The following SPRED3 variants were observed in gnomAD, a reference collection of about 807,000 sequenced individuals.
SPRED3 encodes sprouty-related, EVH1 domain-containing protein 3.
In SPRED3, 23 loss-of-function variants were observed where a neutral mutation model predicts 37.6. The observed-to-expected ratio is 0.61, with a 90% CI of 0.44 to 0.87. The LOEUF is 0.87. Among genes scored for constraint, SPRED3 ranks in the 40% least tolerant of loss-of-function variants. SPRED3 has a pLI of 0.00. For synonymous variants in SPRED3, 302 were observed against 279.6 expected (o/e 1.08, Z -0.80); for missense variants, 584 against 618.6 (o/e 0.94, Z 0.59).
Position 38,390,441 on chromosome 19 carries a change from C to CACT in SPRED3, c.142_144dup (p.Tyr48dup). ...GCCCGAGGGGGGGGCCCGCCAGGGG[C>CACT]ACTACGTCATCCACGGGGAACGCCT... On this transcript the variant is annotated inframe_insertion, in exon 2 of 6. Transcript: ENST00000691638. 2.9e-6 allele frequency: 4 copies of CACT among 1,402,572 alleles called. No homozygotes were observed. The highest frequency in any genetic ancestry group is 3.7e-6 in the Non-Finnish European group (4 of 1,075,826). 86.9% of individuals were successfully genotyped at this position (1,402,572 alleles called of 1,614,324 possible). A position where few individuals can be genotyped will look rare whatever the true frequency, so the allele number is the denominator to read the frequency against.
At position 38,395,742 on chromosome 19, in the gene SPRED3, GC is replaced by G; in HGVS notation, c.833del (p.Pro278ArgfsTer52). The G allele has an allele frequency of 6.8e-7, 1 of 1,461,630 alleles. No homozygotes were observed. The highest frequency in any genetic ancestry group is 9.0e-7 in the Non-Finnish European group (1 of 1,116,772). 90.5% of individuals were successfully genotyped at this position (1,461,630 alleles called of 1,614,324 possible). A position where few individuals can be genotyped will look rare whatever the true frequency, so the allele number is the denominator to read the frequency against. Reference sequence around the variant, plus strand: ...GCGCCCCCCGCTCGCCCACCCCCCGGCCCGGGCCCATCCTCTGCGCCTGCCA... The same window carrying G: ...GCGCCCCCCGCTCGCCCACCCCCCGGCCGGGCCCATCCTCTGCGCCTGCCA... ...PPAPPARPPP[G>X]PGPSSAPAKA... On this transcript the variant is annotated frameshift_variant, in exon 6 of 6. Transcript: ENST00000691638. LOFTEE classifies it high-confidence loss of function. This position sits in a 1 kb window ranked among gnomAD's most constrained non-coding sequence, Gnocchi z 5.2.
At chr19:38,394,920 C>G in intron 5 of SPRED3, 134 bp downstream of exon 5, 1 of 1,273,180 alleles carries the variant, frequency 7.9e-7, no homozygotes, top group South Asian at 1.6e-5. Context: ...CTGGGCCGGA[C>G]TGGGAGAAAG....
intron 4 of SPRED3, 194 bp from the exon 5 acceptor site, chr19:38,394,449 A>T: frequency 6.7e-7 from 1 of 1,496,580 alleles, no homozygotes; most frequent in South Asian, 1.1e-5. Flanking sequence ...TCCCCGTTTT[A>T]CAGAGGAGGA....
chr19:38,396,139 G>A lies in SPRED3; in HGVS notation c.1227G>A (p.Ala409=), dbSNP rs1031634565. ...GCGGGGGTCGCCACGAGGAGGCTGC[G>A]CGGTGAGGACGGCCTGGTGGGTCCC... ...AGCGGRHEEA[A]R Residue 409 remains alanine (A), a synonymous_variant, in exon 6 of 6, where the codon GCG becomes GCA. Transcript: ENST00000691638. 151 of 1,275,382 alleles carry A rather than the reference G, an allele frequency of 1.2e-4. No individual in the cohort carries two copies. Among genetic ancestry groups the A allele is most frequent in the Non-Finnish European group, 1.4e-4 (145 of 1,014,052 alleles). The allele number at this position is 1,275,382 out of a possible 1,614,324, so 79.0% of individuals were successfully genotyped here.
In SPRED3 at chr19:38,393,604, G is replaced by A. The variant is rs7252270; in HGVS notation, c.424-1039G>A. On this transcript the variant is annotated intron_variant, in intron 4 of 5. Coordinates refer to ENST00000691638, the MANE Select transcript of SPRED3 (RefSeq NM_001394336.1). ...GCCCGCTTTGGCCTCCCAAATTGCTGGGATTACAGGTGTATTTCCCGGCCT... is the reference window on the plus strand; with the variant it reads ...GCCCGCTTTGGCCTCCCAAATTGCTAGGATTACAGGTGTATTTCCCGGCCT... Among the ~76,000 whole-genome samples, 1,037 of 152,156 alleles carry A rather than the reference G, an allele frequency of 6.8e-3. 5 individuals carry two copies. The highest frequency in any genetic ancestry group is 0.014 in the Middle Eastern group (4 of 294).
chr19:38,393,141 C>G (rs1178605198), intron 4 of SPRED3, among the ~76,000 whole-genome samples: 1 of 152,156 alleles, frequency 6.6e-6, no homozygotes, highest in East Asian at 1.9e-4. Flanking sequence ...CTGGAACACT[C>G]TTTCCCAGAT....
At position 38,394,421 on chromosome 19, in the gene SPRED3, G is replaced by A. The variant is rs746417727; in HGVS notation, c.424-222G>A. 2.6e-6 allele frequency: 4 copies of A among 1,522,924 alleles called. No individual in the cohort carries two copies. The East Asian group carries it at 9.0e-5, about 34-fold the overall frequency. The allele number at this position is 1,522,924 out of a possible 1,614,324, so 94.3% of individuals were successfully genotyped here. A position where few individuals can be genotyped will look rare whatever the true frequency, so the allele number is the denominator to read the frequency against. On this transcript the variant is annotated intron_variant, in intron 4 of 5. Coordinates refer to ENST00000691638, the MANE Select transcript of SPRED3 (RefSeq NM_001394336.1). ...ACAGTGGCCCTAACCGCATCCTTAT[G>A]AATAGGTACTCTTAGGATCCCCGTT...
rs753775173 is a variant in SPRED3 at position 38,395,836 on chromosome 19, A to G, written c.924A>G (p.Ala308=). ...VHCRALFRRR[A]DGRGGRCAEA... ...GCCGCGCGCTCTTCCGTCGCAGAGC[A>G]GACGGGCGTGGCGGCCGCTGCGCAG... is the stretch of plus-strand genomic sequence containing the variant. Residue 308 remains alanine (A), a synonymous_variant, in exon 6 of 6, where the codon GCA becomes GCG. Coordinates refer to ENST00000691638, the MANE Select transcript of SPRED3 (RefSeq NM_001394336.1). This position sits in a 1 kb window ranked among gnomAD's most constrained non-coding sequence, Gnocchi z 5.2. 1.4e-5 allele frequency: 20 copies of G among 1,473,000 alleles called. No homozygotes were observed. In the African/African-American group the frequency reaches 2.9e-4, roughly 22 times the overall value. 91.2% of individuals were successfully genotyped at this position (1,473,000 alleles called of 1,614,324 possible).
Position 38,395,599 on chromosome 19 carries a change from C to G in SPRED3, c.687C>G (p.Pro229=). ...AGGATTACCGGCGCTCCGGGCCACCCGCGCCCCTCGCCCTGTCCACCTGCG... is the reference window on the plus strand; with the variant it reads ...AGGATTACCGGCGCTCCGGGCCACCGGCGCCCCTCGCCCTGTCCACCTGCG... ...GYEDYRRSGP[P]APLALSTCVV... Residue 229 remains proline (P), a synonymous_variant, in exon 6 of 6, where the codon CCC becomes CCG. Transcript: ENST00000691638. This position sits in a 1 kb window ranked among gnomAD's most constrained non-coding sequence, Gnocchi z 5.2. 3 of 1,549,674 alleles carry G rather than the reference C, an allele frequency of 1.9e-6. No homozygotes were observed. Among genetic ancestry groups the G allele is most frequent in the South Asian group, 2.4e-5 (2 of 83,924 alleles).
chr19:38,389,977 AAGCAGG>A, intron 1 of SPRED3: 1 of 208,166 alleles, frequency 4.8e-6, no homozygotes, highest in Non-Finnish European at 8.9e-6. Context: ...TGATAGGGAT[AAGCAGG>A]AGGGGGAGGG....
intron 4 of SPRED3, among the ~76,000 whole-genome samples, chr19:38,393,682 C>G (rs879848036): frequency 9.9e-5 from 15 of 152,178 alleles, no homozygotes; most frequent in Admixed American, 2.0e-4. Context: ...ATGTCAGCTC[C>G]AGGCCGGCAA....
Position 38,395,965 on chromosome 19 carries a change from G to A in SPRED3, c.1053G>A (p.Ser351=). 1 of 1,471,066 alleles carries A rather than the reference G, an allele frequency of 6.8e-7. No homozygotes were observed. The highest frequency in any genetic ancestry group is 9.0e-7 in the Non-Finnish European group (1 of 1,117,010). 91.1% of individuals were successfully genotyped at this position (1,471,066 alleles called of 1,614,324 possible). ...HCLSDAEGDF[S]DPCACEPGHP... ...TGTCGGACGCCGAGGGCGACTTCTC[G>A]GACCCGTGCGCCTGCGAGCCGGGCC... The change falls in exon 6 of 6, where the codon TCG becomes TCA. Residue 351 remains serine (S), a synonymous_variant. Coordinates refer to ENST00000691638, the MANE Select transcript of SPRED3 (RefSeq NM_001394336.1). The surrounding 1 kb of genome is among the most constrained non-coding windows in gnomAD (Gnocchi z 5.2).
chr19:38,395,499 C>G lies in SPRED3; in HGVS notation c.587C>G (p.Pro196Arg). 1 of 1,509,858 alleles carries G rather than the reference C, an allele frequency of 6.6e-7. No individual in the cohort carries two copies. The highest frequency in any genetic ancestry group is 8.8e-7 in the Non-Finnish European group (1 of 1,133,494). 93.5% of individuals were successfully genotyped at this position (1,509,858 alleles called of 1,614,324 possible). Reference sequence around the variant, plus strand: ...CCGCAGAGCTACCCTCCGCTTCTACCGTTCACGGGGATTCCGGAACCCTCA... The same window carrying G: ...CCGCAGAGCTACCCTCCGCTTCTACGGTTCACGGGGATTCCGGAACCCTCA... Reference protein sequence around the residue: ...SSAQSYPPLLPFTGIPEPSEP... With the variant: ...SSAQSYPPLLRFTGIPEPSEP... Residue 196 changes from proline to arginine, a missense_variant, in exon 6 of 6, where the codon CCG becomes CGG. By Grantham distance (103) the Pro-to-Arg change is moderately radical. Around this residue, in one of 7 missense-constraint regions of SPRED3, gnomAD observed 310 missense variants for 281.1 expected, o/e 1.10. Transcript: ENST00000691638. This position sits in a 1 kb window ranked among gnomAD's most constrained non-coding sequence, Gnocchi z 5.2.
chr19:38,394,762 C>T lies in SPRED3; in HGVS notation c.543C>T (p.Pro181=). The change falls in exon 5 of 6, where the codon CCC becomes CCT. Residue 181 remains proline (P), a synonymous_variant. Coordinates refer to ENST00000691638, the MANE Select transcript of SPRED3 (RefSeq NM_001394336.1). ...SASGFGPTTP[P]QRRRSSAQSY... Reference sequence around the variant, plus strand: ...CAGGCTTCGGGCCGACCACGCCCCCCCAGCGCCGCCGCTCCTCCGCTCAGG... The same window carrying T: ...CAGGCTTCGGGCCGACCACGCCCCCTCAGCGCCGCCGCTCCTCCGCTCAGG... 1 of 1,576,206 alleles carries T rather than the reference C, an allele frequency of 6.3e-7. No homozygotes were observed. The highest frequency in any genetic ancestry group is 8.6e-7 in the Non-Finnish European group (1 of 1,164,654).
At position 38,393,344 on chromosome 19, in the gene SPRED3, CTT is replaced by C. The variant is rs74176441; in HGVS notation, c.423+1076_423+1077del. Reference sequence around the variant, plus strand: ...ATTTCCTTTCTGAAAATACTATTATCTTTTTTTTTTTTTTTTTTTTTGAGACG... The same window carrying C: ...ATTTCCTTTCTGAAAATACTATTATCTTTTTTTTTTTTTTTTTTTGAGACG... On this transcript the variant is annotated intron_variant, in intron 4 of 5. Coordinates refer to ENST00000691638, the MANE Select transcript of SPRED3 (RefSeq NM_001394336.1). Among the ~76,000 whole-genome samples the C allele has an allele frequency of 4.9e-3, 592 of 121,064 alleles. 2 individuals are homozygous for C. The highest frequency in any genetic ancestry group is 0.017 in the African/African-American group (561 of 32,650). The allele number at this position is 121,064 out of a possible 152,430, so 79.4% of individuals were successfully genotyped here.
Position 38,395,891 on chromosome 19 carries a change from C to A in SPRED3, c.979C>A (p.Arg327Ser). ...CCCGGACCCGGGTCGCCTCCTGGTG[C>A]GCCGTCTAAGCTGCCTGTGGTGCGC... is the stretch of plus-strand genomic sequence containing the variant. ...EAPDPGRLLV[R>S]RLSCLWCAES... Residue 327 changes from arginine to serine, a missense_variant, in exon 6 of 6, where the codon CGC becomes AGC. By Grantham distance (110) the Arg-to-Ser change is moderately radical (BLOSUM62 -1). Transcript: ENST00000691638. The surrounding 1 kb of genome is among the most constrained non-coding windows in gnomAD (Gnocchi z 5.2). The A allele has an allele frequency of 6.7e-7, 1 of 1,503,206 alleles. No homozygotes were observed. 93.1% of individuals were successfully genotyped at this position (1,503,206 alleles called of 1,614,324 possible). A position where few individuals can be genotyped will look rare whatever the true frequency, so the allele number is the denominator to read the frequency against.
chr19:38,391,292 C>A (rs1423877336), intron 2 of SPRED3, among the ~76,000 whole-genome samples: 1 of 146,358 alleles, frequency 6.8e-6, no homozygotes, highest in Non-Finnish European at 1.5e-5. Flanking sequence ...GAGTTTGAGA[C>A]CAGCCTGAGC....
chr19:38,395,927 C>A lies in SPRED3; in HGVS notation c.1015C>A (p.Leu339Ile). The change falls in exon 6 of 6, where the codon CTC (leucine) becomes ATC (isoleucine). Residue 339 changes from leucine to isoleucine, a missense_variant. This residue lies in a region of SPRED3 where 67 missense variants were observed against 57.4 expected (regional missense o/e 1.17). Transcript: ENST00000691638. This position sits in a 1 kb window ranked among gnomAD's most constrained non-coding sequence, Gnocchi z 5.2. Reference protein sequence around the residue: ...LSCLWCAESLLYHCLSDAEGD... With the variant: ...LSCLWCAESLIYHCLSDAEGD... The stretch of plus-strand genomic sequence containing the variant: ...CTGCCTGTGGTGCGCCGAGAGCTTG[C>A]TCTACCACTGCCTGTCGGACGCCGA... 6.6e-7 allele frequency: 1 copy of A among 1,510,244 alleles called. No individual in the cohort carries two copies. The highest frequency in any genetic ancestry group is 1.4e-5 in the African/African-American group (1 of 69,706). The allele number at this position is 1,510,244 out of a possible 1,614,324, so 93.6% of individuals were successfully genotyped here.
At position 38,398,810 on chromosome 19, in the gene SPRED3, CT is replaced by C. The variant is rs1970929189; in HGVS notation, c.*2667del. The C allele has an allele frequency of 1.3e-5, 2 of 152,388 alleles. No individual in the cohort carries two copies. The highest frequency in any genetic ancestry group is 4.1e-4 in the South Asian group (2 of 4,828). The allele number at this position is 152,388 out of a possible 1,614,324, so 9.4% of individuals were successfully genotyped here. ...TCTTCATTACCCAGACTTGGATGGCCTTGTTGGGGTTCAAGGGATAGGTCCT... is the reference window on the plus strand; with the variant it reads ...TCTTCATTACCCAGACTTGGATGGCCTGTTGGGGTTCAAGGGATAGGTCCT... On this transcript the variant is annotated 3_prime_UTR_variant, in exon 6 of 6. Coordinates refer to ENST00000691638, the MANE Select transcript of SPRED3 (RefSeq NM_001394336.1).
Sources: gnomAD v4.1 joint callset for allele counts (sites outside exome capture counted in the v4.1 genomes callset) on GRCh38, gnomAD v4.1.1 for gene constraint, gnomAD v4.1.1 regional missense constraint, Gnocchi (gnomAD v3.1) non-coding constraint, MANE v1.5 for transcripts, NCBI Gene and HGNC (gene_info 2026-07-23, HGNC 2026-07-21) for gene names.